CHN2: variants seen among roughly 807,000 people sequenced by gnomAD.
The protein encoded by CHN2 is chimerin 2, also known as beta-chimaerin.
CHN2 carries 35 observed loss-of-function variants against 56.3 expected under a neutral mutation model. That is an observed-to-expected ratio of 0.62 (90% CI 0.47 to 0.82). CHN2 has a LOEUF of 0.82. Among genes scored for constraint, CHN2 ranks in the 40% least tolerant of loss-of-function variants. The probability of loss-of-function intolerance (pLI) is 0.00; values close to 1 mark genes in which losing one functional copy is unlikely to be tolerated. For missense variants in CHN2, 491 were observed against 580.5 expected (o/e 0.85, Z 1.58); for synonymous variants, 210 against 212.8 (o/e 0.99, Z 0.12).
chr7:29,340,398 T>C (rs1796947558), intron 1 of CHN2, among the ~76,000 whole-genome samples: 1 of 126,236 alleles, frequency 7.9e-6, no homozygotes, highest in African/African-American at 2.7e-5. Flanking sequence ...AGGGGGTTGC[T>C]TGGGGGGGGG....
At chr7:29,512,413 T>A (rs1166764414) in intron 12 of CHN2, 151 bp from the exon 13 acceptor site, 3 of 615,148 alleles carry the variant, frequency 4.9e-6, no homozygotes, top group Non-Finnish European at 7.7e-6. Flanking sequence ...AAATTACCCT[T>A]CCAAAAATAC....
chr7:29,491,964 C>G (rs942328270), intron 7 of CHN2, among the ~76,000 whole-genome samples: 1 of 152,160 alleles, frequency 6.6e-6, no homozygotes, highest in African/African-American at 2.4e-5. Context: ...CCCACACTTA[C>G]CAGTTTTCTT....
At chr7:29,375,190 CTTTTTTTTTTTTTTTT>C (rs70980534) in intron 3 of CHN2, among the ~76,000 whole-genome samples, 4 of 77,908 alleles carry the variant, frequency 5.1e-5, no homozygotes, top group Admixed American at 1.5e-4. Context: ...GTGCTCGGCC[CTTTTTTTTTTTTTTTT>C]TTTTTTTTTT....
At chr7:29,173,541 C>CA (rs1796882880) in intron 2 of CHN2, among the ~76,000 whole-genome samples, 1 of 151,958 alleles carries the variant, frequency 6.6e-6, no homozygotes, top group South Asian at 2.1e-4. Context: ...GGTCACAAGG[C>CA]AACCAGGAAA....
At chr7:29,407,901 C>A (rs1016945576) in intron 6 of CHN2, among the ~76,000 whole-genome samples, 1 of 152,130 alleles carries the variant, frequency 6.6e-6, no homozygotes, top group Non-Finnish European at 1.5e-5. Context: ...TAAAAAAATG[C>A]CCATGGCCGG....
At chr7:29,482,790 C>CTTTTTTCTTT (rs1787421589) in intron 7 of CHN2, among the ~76,000 whole-genome samples, 1 of 97,946 alleles carries the variant, frequency 1.0e-5, no homozygotes, top group Non-Finnish European at 2.0e-5. Context: ...GCTGTCTGCA[C>CTTTTTTCTTT]TTTTTTCTTT....
intron 1 of CHN2, among the ~76,000 whole-genome samples, chr7:29,321,305 A>G (rs1485969471): frequency 6.6e-6 from 1 of 152,142 alleles, no homozygotes; most frequent in Non-Finnish European, 1.5e-5. Flanking sequence ...CAGTCTATAG[A>G]GTGAAAATGG....
At position 29,194,910 on chromosome 7, in the gene CHN2, T is replaced by A. The variant is rs1255694940; in HGVS notation, c.-32T>A. 2 of 1,528,302 alleles carry A rather than the reference T, an allele frequency of 1.3e-6. No individual in the cohort carries two copies. The highest frequency in any genetic ancestry group is 2.9e-5 in the African/African-American group (2 of 69,868). The allele number at this position is 1,528,302 out of a possible 1,614,324, so 94.7% of individuals were successfully genotyped here. On this transcript the variant is annotated 5_prime_UTR_variant, in exon 1 of 13. The change abolishes the stop of an existing upstream ORF in the 5' untranslated region. Transcript: ENST00000222792. ...GCGGCGGCGGCGTCCGCACCGGGGC[T>A]GAGCGAGCAGCGACGCGAGGGGCGC...
At chr7:29,203,467 CAAAAAAAAAAA>C (rs11287820) in intron 1 of CHN2, among the ~76,000 whole-genome samples, 1 of 55,582 alleles carries the variant, frequency 1.8e-5, no homozygotes, top group Non-Finnish European at 3.8e-5. Context: ...AACTCCGTCT[CAAAAAAAAAAA>C]AAAAAAAAAA....
intron 1 of CHN2, among the ~76,000 whole-genome samples, chr7:29,327,944 T>C (rs1795938191): frequency 6.6e-6 from 1 of 152,196 alleles, no homozygotes; most frequent in Non-Finnish European, 1.5e-5. Flanking sequence ...GTTTAAAAAA[T>C]CAGCACCTTC....
At chr7:29,322,839 C>T (rs1795469506) in intron 1 of CHN2, among the ~76,000 whole-genome samples, 1 of 152,156 alleles carries the variant, frequency 6.6e-6, no homozygotes, top group Non-Finnish European at 1.5e-5. Context: ...AACGACCTAC[C>T]TCCTGAAGCA....
At chr7:29,479,813 C>T in intron 6 of CHN2, 1 of 1,251,590 alleles carries the variant, frequency 8.0e-7, no homozygotes, top group Non-Finnish European at 1.0e-6. Context: ...CTCCCTGAAT[C>T]CTCAGTGGCT....
At chr7:29,303,298 C>T (rs947459919) in intron 1 of CHN2, among the ~76,000 whole-genome samples, 15 of 152,210 alleles carry the variant, frequency 9.9e-5, no homozygotes, top group African/African-American at 3.6e-4. Context: ...AAGCCTTATT[C>T]CCATTGATGC....
intron 6 of CHN2, among the ~76,000 whole-genome samples, chr7:29,419,177 T>G (rs1031775874): frequency 4.6e-5 from 7 of 152,144 alleles, no homozygotes; most frequent in Non-Finnish European, 7.4e-5. Context: ...TAATTGTTAG[T>G]TAGATAGTTA....
rs554362952 is a variant in CHN2 at position 29,471,542 on chromosome 7, C to T, written c.577-8737C>T. On this transcript the variant is annotated intron_variant, in intron 6 of 12. Coordinates refer to ENST00000222792, the MANE Select transcript of CHN2 (RefSeq NM_004067.4). ...GGTCCATTTCAGCGCACATACAGGCCTTTCAGGTTGGGTGAACGGTGACTG... is the reference window on the plus strand; with the variant it reads ...GGTCCATTTCAGCGCACATACAGGCTTTTCAGGTTGGGTGAACGGTGACTG... Among the ~76,000 whole-genome samples the T allele has an allele frequency of 3.3e-3, 499 of 151,526 alleles. 3 individuals are homozygous for T. The highest frequency in any genetic ancestry group is 0.012 in the African/African-American group (487 of 41,276).
rs559690415 is a variant in CHN2 at position 29,254,626 on chromosome 7, C to T, written c.49+59636C>T. ...CCACGACTGCTCCAGTAGTAACTCC[C>T]TTGTCACCACCACTCACACCCAGCA... On this transcript the variant is annotated intron_variant, in intron 1 of 12. Transcript: ENST00000222792. Among the ~76,000 whole-genome samples, 269 of 152,204 alleles carry T rather than the reference C, an allele frequency of 1.8e-3. 1 individual carries two copies. The highest frequency in any genetic ancestry group is 6.4e-3 in the African/African-American group (266 of 41,538).
At chr7:29,184,972 C>T (rs1798532386) in intron 2 of CHN2, among the ~76,000 whole-genome samples, 1 of 152,178 alleles carries the variant, frequency 6.6e-6, no homozygotes, top group African/African-American at 2.4e-5. Flanking sequence ...GTTGCTGCCA[C>T]CATTGAGAGT....
intron 1 of CHN2, among the ~76,000 whole-genome samples, chr7:29,209,592 G>A (rs1288056123): frequency 3.3e-5 from 5 of 152,318 alleles, no homozygotes; most frequent in Admixed American, 6.5e-5. Flanking sequence ...GACAGTGAGG[G>A]TTGAAGGTTT....
chr7:29,388,703 C>T (rs898627791), intron 3 of CHN2, among the ~76,000 whole-genome samples: 1 of 152,034 alleles, frequency 6.6e-6, no homozygotes. Flanking sequence ...AAAATAAGAC[C>T]ACGTAAAAAT....
Sources: allele counts gnomAD v4.1 joint callset (sites outside exome capture counted in the v4.1 genomes callset), GRCh38; gene constraint gnomAD v4.1.1; transcripts MANE v1.5; gene names NCBI Gene and HGNC (gene_info 2026-07-23, HGNC 2026-07-21).